Variants in RPP40 observed in about 807,000 individuals in gnomAD.
RPP40 encodes ribonuclease P/MRP subunit p40, also known as ribonuclease P protein subunit p40.
Under a neutral mutation model 42.5 loss-of-function variants are expected in RPP40, and 30 were observed. The observed-to-expected ratio is 0.71, with a 90% CI of 0.53 to 0.96. RPP40 has a LOEUF of 0.96. Ranked by LOEUF, RPP40 falls within the 40% of genes least tolerant of loss-of-function variation. The pLI, the probability that RPP40 is intolerant of heterozygous loss-of-function variation, is 0.00. For synonymous variants in RPP40, 173 were observed against 164.0 expected, an observed-to-expected ratio of 1.05 and a Z score of -0.42; for missense variants, 426 against 433.5, an observed-to-expected ratio of 0.98 and a Z score of 0.15.
At position 4,994,915 on chromosome 6, in the gene RPP40, T is replaced by C; in HGVS notation, c.*163A>G. 1.6e-6 allele frequency: 1 copy of C among 627,546 alleles called. No homozygotes were observed. The highest frequency in any genetic ancestry group is 2.8e-6 in the Non-Finnish European group (1 of 362,522). The allele number at this position is 627,546 out of a possible 1,614,324, so 38.9% of individuals were successfully genotyped here. A position where few individuals can be genotyped will look rare whatever the true frequency, so the allele number is the denominator to read the frequency against. On this transcript the variant is annotated 3_prime_UTR_variant, in exon 8 of 8. Transcript: ENST00000380051. ...CTATTCACTGGACAGCAGGCCTTGC[T>C]GCCATCACAGATGGGTCTCAGGTGC...
chr6:5,002,345 C>A lies in RPP40; in HGVS notation c.124-100G>T. The A allele has an allele frequency of 4.9e-6, 5 of 1,029,942 alleles. No homozygotes were observed. The South Asian group carries it at 6.9e-5, about 14-fold the overall frequency. The allele number at this position is 1,029,942 out of a possible 1,614,324, so 63.8% of individuals were successfully genotyped here. ...AATCATGAAAGTTGTTATTTCTCCA[C>A]GAGTTTCACTGGAACATAAAAACAC... On this transcript the variant is annotated intron_variant, in intron 1 of 7. Coordinates refer to ENST00000380051, the MANE Select transcript of RPP40 (RefSeq NM_006638.4).
rs146951764 is a variant in RPP40 at position 4,994,990 on chromosome 6, A to G, written c.*88T>C. The stretch of plus-strand genomic sequence containing the variant: ...ATCTGAGAAATGTCACCATCACACA[A>G]GCCTGAGTGGACACACAGACCTTTT... On this transcript the variant is annotated 3_prime_UTR_variant, in exon 8 of 8. Coordinates refer to ENST00000380051, the MANE Select transcript of RPP40 (RefSeq NM_006638.4). The G allele has an allele frequency of 4.2e-5, 48 of 1,153,266 alleles. No homozygotes were observed. In the African/African-American group the frequency reaches 7.1e-4, roughly 17 times the overall value. The allele number at this position is 1,153,266 out of a possible 1,614,324, so 71.4% of individuals were successfully genotyped here. A position where few individuals can be genotyped will look rare whatever the true frequency, so the allele number is the denominator to read the frequency against.
chr6:4,996,054 A>T lies in RPP40; in HGVS notation c.790T>A (p.Tyr264Asn), dbSNP rs764633736. 9.3e-6 allele frequency: 15 copies of T among 1,614,038 alleles called. No individual in the cohort carries two copies. The African/African-American group carries it at 1.2e-4, about 13-fold the overall frequency. Residue 264 changes from tyrosine to asparagine, a missense_variant, in exon 7 of 8, where the codon TAT becomes AAT. By Grantham distance (143) the Tyr-to-Asn change is moderately radical. Coordinates refer to ENST00000380051, the MANE Select transcript of RPP40 (RefSeq NM_006638.4). ...ACTGTGCTTGGCTCAGGACAGCAAT[A>T]GGTTGATATGAAATTATTAGGCTCA... Reference protein sequence around the residue: ...NNEPNNFISTYCCPEPSTVVA... With the variant: ...NNEPNNFISTNCCPEPSTVVA...
intron 5 of RPP40, among the ~76,000 whole-genome samples, chr6:4,998,011 G>A (rs755637000): frequency 3.9e-5 from 6 of 152,160 alleles, no homozygotes; most frequent in African/African-American, 9.7e-5. Context: ...GAGAGGCACC[G>A]AAGGCCAGAC....
the RPP40 span, among the ~76,000 whole-genome samples, chr6:4,988,461 TAC>T: frequency 6.6e-6 from 1 of 152,190 alleles, no homozygotes; most frequent in African/African-American, 2.4e-5. Flanking sequence ...ATTGCCCTGT[TAC>T]AGCCACACTG....
downstream of RPP40, among the ~76,000 whole-genome samples, chr6:4,990,650 A>ATTT (rs34478088): frequency 2.3e-5 from 3 of 131,556 alleles, no homozygotes; most frequent in Non-Finnish European, 3.2e-5. Context: ...TGCCTGGCTA[A>ATTT]TTTTTTTTTT....
rs748663352 is a variant in RPP40 at position 5,003,830 on chromosome 6, G to A, written c.123+50C>T. 7 of 1,573,226 alleles carry A rather than the reference G, an allele frequency of 4.4e-6. No individual in the cohort carries two copies. In the East Asian group the frequency reaches 1.2e-4, roughly 26 times the overall value. ...CTAGCACTCTCCCCAAACCTCTCTC[G>A]CACGCGGGGACTGAGCACGGCCCGA... is the stretch of plus-strand genomic sequence containing the variant. On this transcript the variant is annotated intron_variant, in intron 1 of 7. Transcript: ENST00000380051.
rs752702139 is a variant in RPP40, at chr6:4,996,245, G to A, written c.735C>T (p.Gly245=). 85 of 1,613,734 alleles carry A rather than the reference G, an allele frequency of 5.3e-5. No homozygotes were observed. The highest frequency in any genetic ancestry group is 3.3e-4 in the South Asian group (30 of 91,094). Residue 245 remains glycine, a synonymous_variant, in exon 6 of 8, where the codon GGC becomes GGT. Transcript: ENST00000380051. ...ACAGGTCGACATTACTGAAGACGGC[G>A]CCGAGCCAGTCGAAGAGCTCCAGAG... is the stretch of plus-strand genomic sequence containing the variant. ...CRALELFDWL[G]AVFSNVDLNN...
intron 4 of RPP40, 87 bp from the exon 5 acceptor site, chr6:4,998,928 A>C (rs1759462961): frequency 1.2e-6 from 1 of 849,798 alleles, no homozygotes; most frequent in African/African-American, 1.8e-5. Context: ...TAAAAACTAG[A>C]ATTTTGGGAA....
intron 3 of RPP40, among the ~76,000 whole-genome samples, 170 bp from the exon 4 acceptor site, chr6:5,000,074 G>T (rs1266490782): frequency 2.0e-5 from 3 of 152,070 alleles, no homozygotes; most frequent in Non-Finnish European, 4.4e-5. Flanking sequence ...TCTTGTAACA[G>T]ATATTATTTA....
In RPP40 at chr6:5,000,613, G is replaced by A. The variant is rs760948754; in HGVS notation, c.287C>T (p.Thr96Ile). Residue 96 changes from threonine to isoleucine, a missense_variant, in exon 3 of 8, where the codon ACA (threonine) becomes ATA (isoleucine). Thr to Ile is a moderately conservative substitution (Grantham distance 89). Coordinates refer to ENST00000380051, the MANE Select transcript of RPP40 (RefSeq NM_006638.4). ...ATCTTCATCAATATGTGTATTGTAT[G>A]TTAGTGCATAGCAAGAACCTGGAAG... ...FIKKGSCYALTYNTHIDEDNT... is the reference protein window; with the variant it reads ...FIKKGSCYALIYNTHIDEDNT... 1 of 1,588,672 alleles carries A rather than the reference G, an allele frequency of 6.3e-7. No homozygotes were observed. Among genetic ancestry groups the A allele is most frequent in the South Asian group, 1.1e-5 (1 of 90,310 alleles).
At chr6:4,990,680 T>C (rs1759248656), downstream of RPP40, among the ~76,000 whole-genome samples, 1 of 149,062 alleles carries the variant, frequency 6.7e-6, no homozygotes, top group Non-Finnish European at 1.5e-5. Flanking sequence ...GGAATCTCGC[T>C]ATGTTGTCCA....
At position 5,002,119 on chromosome 6, in the gene RPP40, T is replaced by G. The variant is rs1205260226; in HGVS notation, c.250A>C (p.Ser84Arg). 1 of 1,613,068 alleles carries G rather than the reference T, an allele frequency of 6.2e-7. No individual in the cohort carries two copies. Among genetic ancestry groups the G allele is most frequent in the East Asian group, 2.2e-5 (1 of 44,890 alleles). The part of the protein sequence containing the change: ...LHELITPEFI[S>R]TFIKKGSCYA... ...TTCTTACCTTTCTTTATAAAGGTAC[T>G]GATGAATTCAGGTGTAATTAATTCA... is the stretch of plus-strand genomic sequence containing the variant. The change falls in exon 2 of 8, where the codon AGT becomes CGT. Residue 84 changes from serine (S) to arginine (R), a missense_variant. Physicochemically the swap from Ser to Arg is moderately radical, Grantham distance 110 (BLOSUM62 -1). Transcript: ENST00000380051.
At chr6:4,993,519 T>G (rs1355017740), downstream of RPP40, among the ~76,000 whole-genome samples, 3 of 152,218 alleles carry the variant, frequency 2.0e-5, no homozygotes, top group Non-Finnish European at 4.4e-5. Flanking sequence ...TTGTTTCTGC[T>G]GGTTCTTGTC....
Position 4,996,273 on chromosome 6 carries a change from C to G in RPP40, c.707G>C (p.Arg236Pro), listed in dbSNP as rs115150310. 6.3e-4 allele frequency: 1,022 copies of G among 1,614,052 alleles called. 2 individuals carry two copies. The highest frequency in any genetic ancestry group is 8.1e-4 in the Non-Finnish European group (956 of 1,180,030). ...GAGCCAGTCGAAGAGCTCCAGAGCC[C>G]GGCAGGACACCTCTGGCGTTCCCTC... ...ELEGTPEVSC[R>P]ALELFDWLGA... The change falls in exon 6 of 8, where the codon CGG becomes CCG. Residue 236 changes from arginine to proline, a missense_variant. Transcript: ENST00000380051.
intron 4 of RPP40, 118 bp from the exon 5 acceptor site, chr6:4,998,959 A>G (rs396839): frequency 0.58 from 358,143 of 621,212 alleles, 106,237 homozygotes; most frequent in East Asian, 0.86. Context: ...TAGTAAAATT[A>G]TTTTATTCTT....
chr6:5,002,010 T>C (rs1581325239), intron 2 of RPP40, 91 bp downstream of exon 2: 10 of 1,184,416 alleles, frequency 8.4e-6, no homozygotes, highest in Middle Eastern at 2.0e-4. Flanking sequence ...CAGGCCCTGT[T>C]TGAAACAAAA....
chr6:4,991,458 G>T (rs1759260880), downstream of RPP40, among the ~76,000 whole-genome samples: 1 of 152,104 alleles, frequency 6.6e-6, no homozygotes, highest in Non-Finnish European at 1.5e-5. Flanking sequence ...AAATTGAGTT[G>T]TTTCTCCATT....
At chr6:5,001,989 A>G in intron 2 of RPP40, 112 bp downstream of exon 2, 1 of 905,948 alleles carries the variant, frequency 1.1e-6, no homozygotes, top group Non-Finnish European at 1.7e-6. Flanking sequence ...CTGACCACAC[A>G]GACTATACCA....
Sources: allele counts gnomAD v4.1 joint callset (sites outside exome capture counted in the v4.1 genomes callset), GRCh38; gene constraint gnomAD v4.1.1; transcripts MANE v1.5; gene names NCBI Gene and HGNC (gene_info 2026-07-23, HGNC 2026-07-21).